Variants in CDC42BPA observed in about 807,000 individuals in gnomAD.
CDC42BPA encodes serine/threonine-protein kinase MRCK alpha.
CDC42BPA carries 80 observed loss-of-function variants against 223.5 expected under a neutral mutation model. The observed-to-expected ratio is 0.36, with a 90% CI of 0.30 to 0.43. CDC42BPA has a LOEUF of 0.43. Ranked by LOEUF, CDC42BPA falls within the 20% of genes least tolerant of loss-of-function variation. CDC42BPA has a pLI of 1.00. For missense variants in CDC42BPA, 1,743 were observed against 2,099.9 expected (o/e 0.83, Z 3.32); for synonymous variants, 694 against 718.6 (o/e 0.97, Z 0.55).
intron 17 of CDC42BPA, among the ~76,000 whole-genome samples, chr1:227,076,583 G>A (rs1033353036): frequency 1.3e-5 from 2 of 152,148 alleles, no homozygotes; most frequent in Non-Finnish European, 2.9e-5. Flanking sequence ...CTCCTTGCTT[G>A]TAGGCCATTT....
At chr1:227,178,719 T>C (rs1667394027) in intron 5 of CDC42BPA, among the ~76,000 whole-genome samples, 1 of 152,162 alleles carries the variant, frequency 6.6e-6, no homozygotes, top group African/African-American at 2.4e-5. Flanking sequence ...GGTCTTGAAC[T>C]CCCAACCTCA....
At chr1:227,152,841 G>A (rs1428378435) in intron 6 of CDC42BPA, among the ~76,000 whole-genome samples, 2 of 152,036 alleles carry the variant, frequency 1.3e-5, no homozygotes, top group African/African-American at 4.8e-5. Flanking sequence ...AAAACATAAG[G>A]ACGCAGGAAA....
At chr1:227,261,550 AT>A (rs984065482) in intron 1 of CDC42BPA, among the ~76,000 whole-genome samples, 4 of 144,754 alleles carry the variant, frequency 2.8e-5, no homozygotes, top group African/African-American at 1.2e-4. Context: ...ACCATGAGAG[AT>A]TTTAAATATA....
At chr1:227,287,324 T>G (rs1688975222) in intron 1 of CDC42BPA, among the ~76,000 whole-genome samples, 1 of 152,170 alleles carries the variant, frequency 6.6e-6, no homozygotes, top group African/African-American at 2.4e-5. Flanking sequence ...ATCTGGGAAC[T>G]TAGATTTTGG....
At chr1:227,061,462 TA>T (rs2148961122) in intron 21 of CDC42BPA, among the ~76,000 whole-genome samples, 1 of 152,344 alleles carries the variant, frequency 6.6e-6, no homozygotes, top group South Asian at 2.1e-4. Flanking sequence ...CCTAAGGTTA[TA>T]AAACTATTAA....
chr1:227,009,626 G>A (rs1055767891), intron 34 of CDC42BPA, among the ~76,000 whole-genome samples: 4 of 151,788 alleles, frequency 2.6e-5, no homozygotes, highest in Non-Finnish European at 5.9e-5. Flanking sequence ...TGGTTGCCCA[G>A]GCTTGTCTCA....
chr1:226,990,822 G>C lies in CDC42BPA; in HGVS notation c.*3446C>G, dbSNP rs554238655. The C allele has an allele frequency of 1.3e-5, 2 of 152,794 alleles. No homozygotes were observed. Among genetic ancestry groups the C allele is most frequent in the Non-Finnish European group, 2.9e-5 (2 of 68,036 alleles). 9.5% of individuals were successfully genotyped at this position (152,794 alleles called of 1,614,324 possible). ...CTATGGAAGGAGAGAGAGGCTGAGA[G>C]CTAGCCAGGAATGATAGATTGTTGC... On this transcript the variant is annotated 3_prime_UTR_variant, in exon 37 of 37. Coordinates refer to ENST00000366766, the MANE Select transcript of CDC42BPA (RefSeq NM_001394014.1).
intron 5 of CDC42BPA, among the ~76,000 whole-genome samples, chr1:227,189,287 G>C (rs963483373): frequency 1.3e-5 from 2 of 152,086 alleles, no homozygotes; most frequent in African/African-American, 4.8e-5. Flanking sequence ...CCAAAGAAAG[G>C]AAGGGAAAAT....
chr1:227,044,779 T>C (rs1350256197), intron 23 of CDC42BPA, among the ~76,000 whole-genome samples: 1 of 152,232 alleles, frequency 6.6e-6, no homozygotes, highest in East Asian at 1.9e-4. Flanking sequence ...GTCTAAGTTA[T>C]TATGACTAGA....
chr1:227,248,763 C>T (rs1681449162), intron 2 of CDC42BPA, among the ~76,000 whole-genome samples: 1 of 151,886 alleles, frequency 6.6e-6, no homozygotes, highest in Admixed American at 6.6e-5. Context: ...ACTGATGAAA[C>T]ACTGATGAAA....
chr1:227,074,192 T>C (rs572180373), intron 18 of CDC42BPA, 67 bp downstream of exon 18: 4 of 1,373,694 alleles, frequency 2.9e-6, no homozygotes, highest in South Asian at 1.2e-5. Context: ...ATTGGATTTA[T>C]TATAGTGTTT....
chr1:227,017,305 A>G (rs1666474194), intron 32 of CDC42BPA, among the ~76,000 whole-genome samples: 1 of 152,204 alleles, frequency 6.6e-6, no homozygotes, highest in Non-Finnish European at 1.5e-5. Flanking sequence ...ACATAATTTT[A>G]CTAGAAGAAA....
chr1:227,156,518 CTTGATA>C (rs1558633663), intron 6 of CDC42BPA, among the ~76,000 whole-genome samples: 1 of 151,576 alleles, frequency 6.6e-6, no homozygotes, highest in African/African-American at 2.4e-5. Context: ...GGAAGTCCAA[CTTGATA>C]TTATGTCCAA....
intron 1 of CDC42BPA, among the ~76,000 whole-genome samples, chr1:227,270,690 A>G (rs1191798352): frequency 1.3e-5 from 2 of 152,162 alleles, no homozygotes; most frequent in Middle Eastern, 3.2e-3. Context: ...CTACAATTTC[A>G]TCACCCCACA....
intron 2 of CDC42BPA, among the ~76,000 whole-genome samples, chr1:227,239,924 G>GT (rs1679740226): frequency 6.6e-6 from 1 of 152,120 alleles, no homozygotes; most frequent in African/African-American, 2.4e-5. Context: ...AGCTAGTGCA[G>GT]TAAGTCAAGA....
chr1:226,994,415 TAAAACATTAATGAGA>T lies in CDC42BPA; in HGVS notation c.5134-31_5134-17del, dbSNP rs1558234840. The T allele has an allele frequency of 2.0e-6, 3 of 1,492,102 alleles. No homozygotes were observed. In the Admixed American group the frequency reaches 7.1e-5, roughly 35 times the overall value. 92.4% of individuals were successfully genotyped at this position (1,492,102 alleles called of 1,614,324 possible). A position where few individuals can be genotyped will look rare whatever the true frequency, so the allele number is the denominator to read the frequency against. On this transcript the variant is annotated splice_polypyrimidine_tract_variant and intron_variant, in intron 36 of 36. Coordinates refer to ENST00000366766, the MANE Select transcript of CDC42BPA (RefSeq NM_001394014.1). This position sits in a 1 kb window ranked among gnomAD's most constrained non-coding sequence, Gnocchi z 4.0. ...AGTCAGAGTCCTGTAAGGCCCAAAG[TAAAACATTAATGAGA>T]AGGAGGGGGAGAAAGGGAGGCAGAA... is the stretch of plus-strand genomic sequence containing the variant.
intron 2 of CDC42BPA, chr1:227,234,881 A>G (rs1678703037): frequency 6.6e-6 from 1 of 151,960 alleles, no homozygotes; most frequent in African/African-American, 2.4e-5. Context: ...ACAAATACGT[A>G]AACTTTCTTA....
intron 2 of CDC42BPA, among the ~76,000 whole-genome samples, chr1:227,249,868 C>T (rs550583008): frequency 8.6e-4 from 130 of 151,790 alleles, no homozygotes; most frequent in Non-Finnish European, 9.3e-4. Flanking sequence ...AACAGAATGA[C>T]GAAGACCTAG....
intron 2 of CDC42BPA, among the ~76,000 whole-genome samples, chr1:227,222,110 G>A (rs189114570): frequency 6.0e-5 from 9 of 150,196 alleles, no homozygotes; most frequent in Admixed American, 4.7e-4. Context: ...GTGCATGCCT[G>A]TGATCCCAGC....
Sources: gnomAD v4.1 joint callset for allele counts (sites outside exome capture counted in the v4.1 genomes callset) on GRCh38, gnomAD v4.1.1 for gene constraint, Gnocchi (gnomAD v3.1) non-coding constraint, MANE v1.5 for transcripts, NCBI Gene and HGNC (gene_info 2026-07-23, HGNC 2026-07-21) for gene names.